Variants in CDK7 observed in about 807,000 individuals in gnomAD.
CDK7 encodes cyclin dependent kinase 7.
In CDK7, 25 loss-of-function variants were observed where a neutral mutation model predicts 49.1. The observed-to-expected ratio is 0.51, with a 90% CI of 0.37 to 0.71. The LOEUF (loss-of-function observed/expected upper bound fraction) is 0.71. CDK7 is among the 30% of genes least tolerant of loss of function. CDK7 has a pLI of 0.00. For missense variants in CDK7, 316 were observed against 411.7 expected (o/e 0.77, Z 2.01); for synonymous variants, 107 against 140.0 (o/e 0.76, Z 1.67).
At chr5:69,259,272 G>C (rs2150211742) in intron 6 of CDK7, among the ~76,000 whole-genome samples, 1 of 152,216 alleles carries the variant, frequency 6.6e-6, no homozygotes, top group Admixed American at 6.5e-5. Context: ...GGAACATTCA[G>C]CTTTTAGAAC....
intron 2 of CDK7, among the ~76,000 whole-genome samples, chr5:69,245,957 A>AG (rs1372371915): frequency 1.3e-5 from 2 of 151,930 alleles, no homozygotes; most frequent in Non-Finnish European, 2.9e-5. Flanking sequence ...TTTAGTCTAA[A>AG]GGTTGGGTAA....
chr5:69,259,805 T>C lies in CDK7; in HGVS notation c.409-13T>C. ...CCCTGCTTATTTGTTTGTTTAAAACTTCCGTCATATAGGATCTGAAACCAA... is the reference window on the plus strand; with the variant it reads ...CCCTGCTTATTTGTTTGTTTAAAACCTCCGTCATATAGGATCTGAAACCAA... On this transcript the variant is annotated splice_polypyrimidine_tract_variant and intron_variant, in intron 6 of 11. Transcript: ENST00000256443. 1 of 1,572,272 alleles carries C rather than the reference T, an allele frequency of 6.4e-7. No individual in the cohort carries two copies. Among genetic ancestry groups the C allele is most frequent in the Non-Finnish European group, 8.8e-7 (1 of 1,141,982 alleles).
chr5:69,241,869 A>G (rs1749414810), intron 2 of CDK7, among the ~76,000 whole-genome samples: 3 of 151,874 alleles, frequency 2.0e-5, no homozygotes, highest in African/African-American at 7.3e-5. Flanking sequence ...TTTTCTCTTC[A>G]CTGTGTTGTT....
intron 10 of CDK7, 114 bp from the exon 11 acceptor site, chr5:69,276,429 A>G: frequency 5.9e-6 from 5 of 845,112 alleles, no homozygotes; most frequent in Non-Finnish European, 5.8e-6. Flanking sequence ...TTTGTTGGGA[A>G]TGAGGGCATT....
At chr5:69,253,765 T>C (rs1450979048) in intron 3 of CDK7, among the ~76,000 whole-genome samples, 1 of 152,212 alleles carries the variant, frequency 6.6e-6, no homozygotes, top group African/African-American at 2.4e-5. Flanking sequence ...TGAAATATTT[T>C]TCACCATTTG....
At position 69,269,160 on chromosome 5, in the gene CDK7, A is replaced by T. The variant is rs775306213; in HGVS notation, c.628-47A>T. 80 of 1,072,488 alleles carry T rather than the reference A, an allele frequency of 7.5e-5. 1 individual carries two copies. The African/African-American group carries it at 1.5e-3, about 20-fold the overall frequency. 66.4% of individuals were successfully genotyped at this position (1,072,488 alleles called of 1,614,324 possible). A position where few individuals can be genotyped will look rare whatever the true frequency, so the allele number is the denominator to read the frequency against. The stretch of plus-strand genomic sequence containing the variant: ...TCTCTCTAAAAAAAGAAAAAAATTA[A>T]AAAAAAAAAACCCACCTTGAAAAGT... On this transcript the variant is annotated intron_variant, in intron 8 of 11. Transcript: ENST00000256443.
At chr5:69,269,397 C>A in intron 9 of CDK7, 104 bp downstream of exon 9, 2 of 704,882 alleles carry the variant, frequency 2.8e-6, no homozygotes, top group East Asian at 2.7e-5. Flanking sequence ...TAAAGACATT[C>A]ATTATAATAT....
Position 69,241,683 on chromosome 5 carries a change from T to G in CDK7, c.126+6230T>G, listed in dbSNP as rs114456509. On this transcript the variant is annotated intron_variant, in intron 2 of 11. Coordinates refer to ENST00000256443, the MANE Select transcript of CDK7 (RefSeq NM_001799.4). Reference sequence around the variant, plus strand: ...TCAGTGATGTTGGCACCTTTTCTTATGCTGTCTGCCATTTGTATGTCTTCT... The same window carrying G: ...TCAGTGATGTTGGCACCTTTTCTTAGGCTGTCTGCCATTTGTATGTCTTCT... Among the ~76,000 whole-genome samples the G allele has an allele frequency of 9.9e-3, 1,502 of 152,290 alleles. 15 individuals carry two copies. The highest frequency in any genetic ancestry group is 0.017 in the Middle Eastern group (5 of 294).
At chr5:69,257,264 T>G (rs1750549137) in intron 5 of CDK7, among the ~76,000 whole-genome samples, 1 of 152,146 alleles carries the variant, frequency 6.6e-6, no homozygotes, top group African/African-American at 2.4e-5. Context: ...GTTACATGAC[T>G]GGATGCATTT....
intron 2 of CDK7, among the ~76,000 whole-genome samples, chr5:69,236,890 G>A (rs1004977978): frequency 6.8e-6 from 1 of 147,580 alleles, no homozygotes; most frequent in Non-Finnish European, 1.5e-5. Context: ...GACCTCAGTT[G>A]ATCCACCCAC....
intron 10 of CDK7, among the ~76,000 whole-genome samples, chr5:69,274,882 C>A (rs939654664): frequency 6.6e-6 from 1 of 152,126 alleles, no homozygotes; most frequent in East Asian, 1.9e-4. Context: ...TCCCAAAGTG[C>A]TGGGATTACA....
At chr5:69,261,488 C>CTGTGTGTG (rs376469145) in intron 7 of CDK7, among the ~76,000 whole-genome samples, 4,526 of 119,960 alleles carry the variant, frequency 0.038, 107 homozygotes, top group East Asian at 0.072. Context: ...TGAAAAGGTT[C>CTGTGTGTG]TCTGTGTGTG....
intron 2 of CDK7, chr5:69,250,793 T>C (rs1324994640): frequency 2.2e-6 from 1 of 456,598 alleles, no homozygotes; most frequent in African/African-American, 2.0e-5. Flanking sequence ...GTGTCATACC[T>C]GAAGCCAATA....
intron 2 of CDK7, among the ~76,000 whole-genome samples, chr5:69,251,428 A>G (rs1750137410): frequency 6.6e-6 from 1 of 152,098 alleles, no homozygotes; most frequent in Non-Finnish European, 1.5e-5. Flanking sequence ...CATTTTTTGT[A>G]GAGACGGGGT....
At position 69,271,377 on chromosome 5, in the gene CDK7, T is replaced by A. The variant is rs917935079; in HGVS notation, c.715-1515T>A. ...AAAAGTGTATGTAGTTTGCAGATGTTTTCCCTCGTGCTGCCTTTTCATCCT... is the reference window on the plus strand; with the variant it reads ...AAAAGTGTATGTAGTTTGCAGATGTATTCCCTCGTGCTGCCTTTTCATCCT... On this transcript the variant is annotated intron_variant, in intron 9 of 11. Transcript: ENST00000256443. Among the ~76,000 whole-genome samples the A allele has an allele frequency of 2.7e-4, 41 of 152,182 alleles. 2 individuals are homozygous for A.
Position 69,276,552 on chromosome 5 carries a change from A to G in CDK7, c.874A>G (p.Met292Val). 1 of 1,612,746 alleles carries G rather than the reference A, an allele frequency of 6.2e-7. No individual in the cohort carries two copies. ...TCTTTTCTTTTAAAAGGCACTGAAA[A>G]TGAAGTATTTCAGTAATCGGCCAGG... ...ARITATQALKMKYFSNRPGPT... is the reference protein window; with the variant it reads ...ARITATQALKVKYFSNRPGPT... The change falls in exon 11 of 12, where the codon ATG becomes GTG. Residue 292 changes from methionine (M) to valine (V), a missense_variant. Physicochemically the swap from Met to Val is conservative, Grantham distance 21. Coordinates refer to ENST00000256443, the MANE Select transcript of CDK7 (RefSeq NM_001799.4).
chr5:69,245,291 TCCCTTCCCCCTC>T (rs140594472), intron 2 of CDK7, among the ~76,000 whole-genome samples: 45,534 of 91,410 alleles, frequency 0.5, 10,025 homozygotes, highest in South Asian at 0.63. Flanking sequence ...CCTTTTCCCC[TCCCTTCCCCCTC>T]CCCTTCCCCC....
intron 10 of CDK7, among the ~76,000 whole-genome samples, chr5:69,273,442 T>A (rs868436438): frequency 1.3e-5 from 2 of 152,330 alleles, no homozygotes; most frequent in South Asian, 4.1e-4. Flanking sequence ...GTTCGGCTTA[T>A]TTTTTCTTTC....
At chr5:69,241,349 C>G (rs533447679) in intron 2 of CDK7, among the ~76,000 whole-genome samples, 2 of 114,552 alleles carry the variant, frequency 1.7e-5, no homozygotes, top group East Asian at 6.1e-4. Context: ...GAGACGGAGT[C>G]TTGCTCTGTC....
Sources: allele counts gnomAD v4.1 joint callset (sites outside exome capture counted in the v4.1 genomes callset), GRCh38; gene constraint gnomAD v4.1.1; transcripts MANE v1.5; gene names NCBI Gene and HGNC (gene_info 2026-07-23, HGNC 2026-07-21).